Variants in VEPH1 observed in about 807,000 individuals in gnomAD.
VEPH1 encodes ventricular zone-expressed PH domain-containing protein homolog 1.
In VEPH1, 80 loss-of-function variants were observed where a neutral mutation model predicts 85.2. The observed-to-expected ratio is 0.94, with a 90% CI of 0.78 to 1.13. VEPH1 has a LOEUF of 1.13. VEPH1 is among the 50% of genes most tolerant of loss of function. The pLI is 0.00. For synonymous variants in VEPH1, 297 were observed against 348.0 expected (o/e 0.85, Z 1.63); for missense variants, 955 against 980.5 (o/e 0.97, Z 0.35).
intron 11 of VEPH1, among the ~76,000 whole-genome samples, chr3:157,295,989 A>G (rs541840878): frequency 4.6e-5 from 7 of 152,260 alleles, no homozygotes; most frequent in African/African-American, 1.7e-4. Context: ...ATTATGGTCT[A>G]TTTACACAGT....
chr3:157,391,916 G>T (rs1729891868), intron 6 of VEPH1, among the ~76,000 whole-genome samples: 1 of 139,162 alleles, frequency 7.2e-6, no homozygotes, highest in Non-Finnish European at 1.5e-5. Flanking sequence ...AGGAGAGATT[G>T]GGGGCCTATT....
intron 7 of VEPH1, among the ~76,000 whole-genome samples, chr3:157,380,226 A>G (rs527957335): frequency 6.6e-6 from 1 of 152,202 alleles, no homozygotes; most frequent in East Asian, 1.9e-4. Context: ...ACCTATGCAC[A>G]CTTTTCTGCT....
At chr3:157,447,850 C>A (rs1287852462) in intron 4 of VEPH1, among the ~76,000 whole-genome samples, 1 of 152,110 alleles carries the variant, frequency 6.6e-6, no homozygotes, top group African/African-American at 2.4e-5. Flanking sequence ...CCATCTCAGC[C>A]TCCCAAAGTG....
intron 7 of VEPH1, among the ~76,000 whole-genome samples, chr3:157,370,609 A>G (rs1411840657): frequency 6.6e-6 from 1 of 152,208 alleles, no homozygotes; most frequent in Non-Finnish European, 1.5e-5. Flanking sequence ...ATGTTAAGGG[A>G]AAGGACAACA....
At chr3:157,327,225 G>A (rs1272718670) in intron 9 of VEPH1, among the ~76,000 whole-genome samples, 3 of 152,152 alleles carry the variant, frequency 2.0e-5, no homozygotes, top group African/African-American at 4.8e-5. Flanking sequence ...CCACCACAAG[G>A]GAGCAGGAGC....
At chr3:157,406,579 G>C (rs1455530507) in intron 6 of VEPH1, among the ~76,000 whole-genome samples, 5 of 143,058 alleles carry the variant, frequency 3.5e-5, no homozygotes, top group African/African-American at 1.3e-4. Flanking sequence ...CCTGGTGCTT[G>C]GCCAGCATAT....
chr3:157,291,336 T>C (rs1717451827), intron 11 of VEPH1, among the ~76,000 whole-genome samples: 1 of 152,250 alleles, frequency 6.6e-6, no homozygotes, highest in South Asian at 2.1e-4. Context: ...TAATTAATGA[T>C]TGATCTTCAT....
intron 6 of VEPH1, among the ~76,000 whole-genome samples, chr3:157,408,791 G>A (rs1577586134): frequency 6.6e-6 from 1 of 152,120 alleles, no homozygotes; most frequent in African/African-American, 2.4e-5. Context: ...AATAAGCTGT[G>A]AAGGTCTCAA....
intron 9 of VEPH1, among the ~76,000 whole-genome samples, chr3:157,327,446 T>C (rs1394030699): frequency 6.6e-6 from 1 of 152,186 alleles, no homozygotes; most frequent in Non-Finnish European, 1.5e-5. Flanking sequence ...ATGGCACATT[T>C]TCTCTGCAAA....
intron 9 of VEPH1, among the ~76,000 whole-genome samples, chr3:157,339,791 A>T (rs2108640683): frequency 6.6e-6 from 1 of 152,242 alleles, no homozygotes; most frequent in African/African-American, 2.4e-5. Flanking sequence ...AGACCCCTTG[A>T]CTCACTGATT....
intron 13 of VEPH1, among the ~76,000 whole-genome samples, chr3:157,263,240 A>G (rs1713152696): frequency 6.6e-6 from 1 of 152,154 alleles, no homozygotes; most frequent in Admixed American, 6.6e-5. Flanking sequence ...TGTGGCCTTC[A>G]TGCTATATTA....
chr3:157,333,724 G>T (rs1209080980), intron 9 of VEPH1, among the ~76,000 whole-genome samples: 3 of 152,172 alleles, frequency 2.0e-5, no homozygotes, highest in East Asian at 1.9e-4. Flanking sequence ...TCCCCTGCAG[G>T]TACCATTCCA....
chr3:157,400,767 G>A (rs1388804320), intron 6 of VEPH1, among the ~76,000 whole-genome samples: 4 of 151,940 alleles, frequency 2.6e-5, no homozygotes, highest in African/African-American at 7.2e-5. Context: ...TAAAGCTTAT[G>A]GAAGTCTATC....
At chr3:157,404,900 C>A (rs571681196) in intron 6 of VEPH1, among the ~76,000 whole-genome samples, 1 of 152,296 alleles carries the variant, frequency 6.6e-6, no homozygotes, top group Admixed American at 6.5e-5. Flanking sequence ...ACTGCTTCGT[C>A]CTCTTCAACT....
intron 2 of VEPH1, among the ~76,000 whole-genome samples, chr3:157,494,447 G>C (rs902984234): frequency 1.3e-5 from 2 of 152,112 alleles, no homozygotes; most frequent in Non-Finnish European, 2.9e-5. Context: ...CAATCAAGAA[G>C]GTCAACATGA....
intron 11 of VEPH1, among the ~76,000 whole-genome samples, chr3:157,300,608 C>T (rs1296560894): frequency 6.6e-6 from 1 of 151,686 alleles, no homozygotes; most frequent in African/African-American, 2.4e-5. Flanking sequence ...TATTAATTAG[C>T]CAAGAGTAAA....
chr3:157,364,940 T>C (rs549250117), intron 7 of VEPH1, among the ~76,000 whole-genome samples: 1 of 152,344 alleles, frequency 6.6e-6, no homozygotes, highest in East Asian at 1.9e-4. Flanking sequence ...ACTCATGGTT[T>C]TGTTAATTTT....
At chr3:157,276,514 G>A (rs1715415241) in intron 12 of VEPH1, among the ~76,000 whole-genome samples, 1 of 152,160 alleles carries the variant, frequency 6.6e-6, no homozygotes, top group South Asian at 2.1e-4. Flanking sequence ...TATCTTCGTG[G>A]TAGATGACAG....
At chr3:157,394,349 C>A (rs1298252561) in intron 6 of VEPH1, among the ~76,000 whole-genome samples, 1 of 152,128 alleles carries the variant, frequency 6.6e-6, no homozygotes, top group Non-Finnish European at 1.5e-5. Context: ...GGTTCAGAAG[C>A]TTTTTCCTAA....
Sources: gnomAD v4.1 joint callset for allele counts (sites outside exome capture counted in the v4.1 genomes callset) on GRCh38, gnomAD v4.1.1 for gene constraint, MANE v1.5 for transcripts, NCBI Gene and HGNC (gene_info 2026-07-23, HGNC 2026-07-21) for gene names.